Variants in CAMKMT observed in about 807,000 individuals in gnomAD.
CAMKMT encodes CaM KMT.
CAMKMT carries 53 observed loss-of-function variants against 48.0 expected under a neutral mutation model. That is an observed-to-expected ratio of 1.10 (90% CI 0.89 to 1.39). CAMKMT has a LOEUF of 1.39. Ranked by LOEUF, CAMKMT falls within the 40% of genes most tolerant of loss-of-function variation. The pLI is 0.00. For missense variants in CAMKMT, 428 were observed against 402.7 expected (o/e 1.06, Z -0.54); for synonymous variants, 165 against 152.3 (o/e 1.08, Z -0.61).
chr2:44,460,859 A>T (rs1462284576), intron 3 of CAMKMT, among the ~76,000 whole-genome samples: 1 of 151,140 alleles, frequency 6.6e-6, no homozygotes, highest in Admixed American at 6.6e-5. Context: ...AGTAGCTGAG[A>T]TCACAGGCGC....
chr2:44,614,036 G>A (rs1671737224), intron 3 of CAMKMT, among the ~76,000 whole-genome samples: 1 of 152,032 alleles, frequency 6.6e-6, no homozygotes, highest in Admixed American at 6.5e-5. Context: ...ATGTAGAAGG[G>A]GCTATACATA....
chr2:44,677,889 G>A (rs1401377905), intron 3 of CAMKMT, among the ~76,000 whole-genome samples: 4 of 152,068 alleles, frequency 2.6e-5, no homozygotes, highest in South Asian at 2.1e-4. Context: ...GAGTCAATGT[G>A]TATGTGTATT....
intron 8 of CAMKMT, among the ~76,000 whole-genome samples, chr2:44,746,707 A>G (rs1305606401): frequency 6.6e-6 from 1 of 152,230 alleles, no homozygotes; most frequent in Non-Finnish European, 1.5e-5. Context: ...AAAATATTAG[A>G]ATATTTAACC....
At chr2:44,535,483 T>C (rs1442372943) in intron 3 of CAMKMT, among the ~76,000 whole-genome samples, 1 of 151,918 alleles carries the variant, frequency 6.6e-6, no homozygotes, top group Non-Finnish European at 1.5e-5. Flanking sequence ...GGTGCAAAGG[T>C]TCTCAACAAA....
chr2:44,405,286 AG>A (rs1682705234), intron 3 of CAMKMT, among the ~76,000 whole-genome samples: 1 of 152,148 alleles, frequency 6.6e-6, no homozygotes, highest in African/African-American at 2.4e-5. Context: ...ACTTGAAAAC[AG>A]TCTGACAGCT....
chr2:44,612,864 T>G (rs1407210606), intron 3 of CAMKMT, among the ~76,000 whole-genome samples: 4 of 152,232 alleles, frequency 2.6e-5, no homozygotes, highest in Non-Finnish European at 4.4e-5. Flanking sequence ...TTCCTTCCTC[T>G]TTTTCTCTCT....
chr2:44,699,924 A>C (rs1677170285), intron 3 of CAMKMT, among the ~76,000 whole-genome samples: 1 of 152,180 alleles, frequency 6.6e-6, no homozygotes, highest in African/African-American at 2.4e-5. Context: ...CTAGCTACCA[A>C]AGTCCTAGAT....
chr2:44,608,246 G>C (rs965527909), intron 3 of CAMKMT, among the ~76,000 whole-genome samples: 1 of 151,662 alleles, frequency 6.6e-6, no homozygotes, highest in Non-Finnish European at 1.5e-5. Context: ...CTAATTTTTT[G>C]TATTTTTAGT....
chr2:44,637,129 G>A (rs1673180363), intron 3 of CAMKMT, among the ~76,000 whole-genome samples: 1 of 152,150 alleles, frequency 6.6e-6, no homozygotes, highest in Admixed American at 6.5e-5. Flanking sequence ...ATGGCTAGAG[G>A]CACCTGTAGA....
chr2:44,630,309 G>C (rs1213641867), intron 3 of CAMKMT, among the ~76,000 whole-genome samples: 2 of 152,000 alleles, frequency 1.3e-5, no homozygotes, highest in African/African-American at 4.8e-5. Flanking sequence ...GAAAACCTAG[G>C]CATTACCATT....
At position 44,501,352 on chromosome 2, in the gene CAMKMT, C is replaced by G. The variant is rs142592158; in HGVS notation, c.376+111047C>G. ...AACACTTTCACTGGGTGAGATAGAA[C>G]TGTTGTTGACTGTACATTATGTGTG... On this transcript the variant is annotated intron_variant, in intron 3 of 10. Coordinates refer to ENST00000378494, the MANE Select transcript of CAMKMT (RefSeq NM_024766.5). Among the ~76,000 whole-genome samples the G allele has an allele frequency of 1.0e-3, 159 of 152,160 alleles. 1 individual carries two copies. Among genetic ancestry groups the G allele is most frequent in the African/African-American group, 3.6e-3 (148 of 41,534 alleles).
chr2:44,586,997 A>G (rs746750771), intron 3 of CAMKMT, among the ~76,000 whole-genome samples: 19 of 152,212 alleles, frequency 1.2e-4, no homozygotes, highest in South Asian at 2.1e-4. Context: ...TAGTAGATGT[A>G]TTAGAATCTC....
chr2:44,762,692 A>G (rs1196770510), intron 9 of CAMKMT, among the ~76,000 whole-genome samples: 2 of 152,124 alleles, frequency 1.3e-5, no homozygotes, highest in South Asian at 2.1e-4. Context: ...AAGCATACCA[A>G]TTTTTTCCAG....
intron 6 of CAMKMT, among the ~76,000 whole-genome samples, chr2:44,708,567 C>T (rs984659404): frequency 1.3e-5 from 2 of 152,054 alleles, no homozygotes; most frequent in African/African-American, 4.8e-5. Context: ...GCCTTTCACA[C>T]AAGGGAAGGA....
intron 3 of CAMKMT, among the ~76,000 whole-genome samples, chr2:44,413,153 T>C (rs1178111174): frequency 6.6e-6 from 1 of 152,046 alleles, no homozygotes; most frequent in Non-Finnish European, 1.5e-5. Context: ...TCTGTACAGT[T>C]CTCTGGGGGC....
At chr2:44,458,042 C>CTTTTTTTTTTTTTTTTTTTTTTT (rs541348745) in intron 3 of CAMKMT, among the ~76,000 whole-genome samples, 1 of 75,396 alleles carries the variant, frequency 1.3e-5, no homozygotes, top group Non-Finnish European at 2.4e-5. Context: ...AGCTTTGTGA[C>CTTTTTTTTTTTTTTTTTTTTTTT]TTTTTTTTTT....
At chr2:44,417,067 G>A (rs1683608266) in intron 3 of CAMKMT, among the ~76,000 whole-genome samples, 1 of 152,076 alleles carries the variant, frequency 6.6e-6, no homozygotes, top group Non-Finnish European at 1.5e-5. Flanking sequence ...CTGGGTTGCT[G>A]GGATTACAGA....
intron 3 of CAMKMT, among the ~76,000 whole-genome samples, chr2:44,442,098 A>G (rs1429986267): frequency 6.6e-6 from 1 of 152,192 alleles, no homozygotes; most frequent in Admixed American, 6.5e-5. Context: ...CAGCTTGGGA[A>G]TAAAGAGCAG....
At chr2:44,717,538 G>A (rs1331582749) in intron 7 of CAMKMT, among the ~76,000 whole-genome samples, 1 of 152,152 alleles carries the variant, frequency 6.6e-6, no homozygotes, top group African/African-American at 2.4e-5. Flanking sequence ...AGAAATAAAA[G>A]GAAGCCATTC....
Sources: gnomAD v4.1 joint callset for allele counts (sites outside exome capture counted in the v4.1 genomes callset) on GRCh38, gnomAD v4.1.1 for gene constraint, MANE v1.5 for transcripts, NCBI Gene and HGNC (gene_info 2026-07-23, HGNC 2026-07-21) for gene names.